CEP63: variants seen among roughly 807,000 people sequenced by gnomAD.
The protein encoded by CEP63 is centrosomal protein 63, also known as centrosomal protein of 63 kDa.
CEP63 carries 84 observed loss-of-function variants against 89.1 expected under a neutral mutation model. That is an observed-to-expected ratio of 0.94 (90% confidence interval 0.79 to 1.13). The LOEUF (loss-of-function observed/expected upper bound fraction) is 1.13. CEP63 is among the 50% of genes most tolerant of loss of function. The probability of loss-of-function intolerance (pLI) is 0.00; values close to 1 mark genes in which losing one functional copy is unlikely to be tolerated. For synonymous variants in CEP63, 267 were observed against 272.5 expected (o/e 0.98, Z 0.20); for missense variants, 838 against 813.3 (o/e 1.03, Z -0.37).
At chr3:134,755,228 A>ACCCAGAGCCCTGAG in the CEP63 span, among the ~76,000 whole-genome samples, 2 of 150,410 alleles carry the variant, frequency 1.3e-5, no homozygotes, top group African/African-American at 4.9e-5. Context: ...AGAGCCCTGA[A>ACCCAGAGCCCTGAG]CCCTGAGCCC....
Position 134,491,741 on chromosome 3 carries a change from A to G in CEP63, c.-25-3555A>G, listed in dbSNP as rs375706291. On this transcript the variant is annotated intron_variant, in intron 1 of 14. Coordinates refer to ENST00000675561, the MANE Select transcript of CEP63 (RefSeq NM_001353108.3). Reference sequence around the variant, plus strand: ...ACAGCCATAGTTTACTGGCCATGGTATATCTGACACAATCATAGAGCTTTG... The same window carrying G: ...ACAGCCATAGTTTACTGGCCATGGTGTATCTGACACAATCATAGAGCTTTG... Among the ~76,000 whole-genome samples, 28 of 152,352 alleles carry G rather than the reference A, an allele frequency of 1.8e-4. No homozygotes were observed. The South Asian group carries it at 4.6e-3, about 25-fold the overall frequency.
At chr3:134,521,207 A>T (rs557503501) in intron 3 of CEP63, among the ~76,000 whole-genome samples, 1 of 152,274 alleles carries the variant, frequency 6.6e-6, no homozygotes, top group African/African-American at 2.4e-5. Context: ...AATGCAAATT[A>T]CAATCACAAG....
the CEP63 span, among the ~76,000 whole-genome samples, chr3:134,708,865 A>G: frequency 6.6e-6 from 1 of 151,538 alleles, no homozygotes; most frequent in Non-Finnish European, 1.5e-5. Context: ...AATCACAGTC[A>G]CTCAGCCCTG....
At chr3:134,692,868 C>T in the CEP63 span, among the ~76,000 whole-genome samples, 1 of 152,198 alleles carries the variant, frequency 6.6e-6, no homozygotes, top group Non-Finnish European at 1.5e-5. Context: ...CTTCTGGGTA[C>T]ATACTTTATT....
chr3:134,707,935 A>C, the CEP63 span, among the ~76,000 whole-genome samples: 1 of 151,936 alleles, frequency 6.6e-6, no homozygotes, highest in East Asian at 1.9e-4. Context: ...ATCTGGCCAC[A>C]CATATCCTCA....
At chr3:134,494,747 G>A (rs771768172) in intron 1 of CEP63, among the ~76,000 whole-genome samples, 2 of 152,158 alleles carry the variant, frequency 1.3e-5, no homozygotes, top group Non-Finnish European at 2.9e-5. Context: ...AAGTGCAGAG[G>A]TGGGAGGGCC....
the CEP63 span, among the ~76,000 whole-genome samples, chr3:134,771,109 C>T: frequency 6.6e-6 from 1 of 152,312 alleles, no homozygotes; most frequent in Non-Finnish European, 1.5e-5. Context: ...GATCTTCCCT[C>T]ACTGGAATAA....
the CEP63 span, among the ~76,000 whole-genome samples, chr3:134,621,201 G>A: frequency 1.3e-5 from 2 of 152,164 alleles, no homozygotes; most frequent in Non-Finnish European, 2.9e-5. Context: ...ATAGCTTTTT[G>A]TGCTGAAATG....
intron 3 of CEP63, among the ~76,000 whole-genome samples, chr3:134,531,468 A>G (rs1949837708): frequency 6.6e-6 from 1 of 152,140 alleles, no homozygotes; most frequent in Non-Finnish European, 1.5e-5. Flanking sequence ...CTGTAATCCC[A>G]GCTACTTGGG....
the CEP63 span, among the ~76,000 whole-genome samples, chr3:134,651,837 C>A: frequency 6.6e-6 from 1 of 152,180 alleles, no homozygotes; most frequent in South Asian, 2.1e-4. Flanking sequence ...GCCTGCCCAG[C>A]CAACAGCAGC....
At chr3:134,609,175 G>A in the CEP63 span, among the ~76,000 whole-genome samples, 3 of 152,204 alleles carry the variant, frequency 2.0e-5, no homozygotes, top group Non-Finnish European at 1.5e-5. Flanking sequence ...CAGTGGGGTC[G>A]TGGGAAGGCA....
At chr3:134,708,061 A>C in the CEP63 span, among the ~76,000 whole-genome samples, 1 of 152,178 alleles carries the variant, frequency 6.6e-6, no homozygotes. Context: ...CACTAATCCT[A>C]GGATGGCAAA....
At chr3:134,667,808 G>A in the CEP63 span, among the ~76,000 whole-genome samples, 1 of 152,198 alleles carries the variant, frequency 6.6e-6, no homozygotes, top group Non-Finnish European at 1.5e-5. Flanking sequence ...CCGGGGCAAA[G>A]AGAGCCAAGC....
At chr3:134,603,869 G>C in the CEP63 span, 2 of 1,614,026 alleles carry the variant, frequency 1.2e-6, no homozygotes, top group East Asian at 4.5e-5. Context: ...GGGAACATGG[G>C]CCAGTTCACC....
At chr3:134,505,945 T>C (rs1943331686) in intron 2 of CEP63, among the ~76,000 whole-genome samples, 1 of 152,222 alleles carries the variant, frequency 6.6e-6, no homozygotes, top group South Asian at 2.1e-4. Context: ...GAGCAAAAGC[T>C]AAGTTGATCC....
the CEP63 span, chr3:134,624,969 G>C: frequency 8.7e-7 from 1 of 1,154,256 alleles, no homozygotes; most frequent in South Asian, 1.3e-5. Context: ...ATATGTTCAG[G>C]AGGTGTCTGG....
At chr3:134,710,516 G>A in the CEP63 span, among the ~76,000 whole-genome samples, 1,070 of 152,224 alleles carry the variant, frequency 7.0e-3, 10 homozygotes, top group African/African-American at 0.023. Flanking sequence ...GAAATAACAC[G>A]AGCATAGTTG....
chr3:134,496,438 G>GGA (rs1940032103), intron 2 of CEP63, among the ~76,000 whole-genome samples: 1 of 149,394 alleles, frequency 6.7e-6, no homozygotes, highest in African/African-American at 2.5e-5. Context: ...AAAAGGGGGG[G>GGA]GGGGCTAAAG....
chr3:134,592,469 G>GTGTGTGT (rs1958615785), downstream of CEP63, among the ~76,000 whole-genome samples: 2 of 125,108 alleles, frequency 1.6e-5, no homozygotes, highest in East Asian at 2.5e-4. Context: ...TCTGCAAACT[G>GTGTGTGT]GTGTGTGTGT....
Sources: gnomAD v4.1 joint callset for allele counts (sites outside exome capture counted in the v4.1 genomes callset) on GRCh38, gnomAD v4.1.1 for gene constraint, MANE v1.5 for transcripts, NCBI Gene and HGNC (gene_info 2026-07-23, HGNC 2026-07-21) for gene names.